DHRS13: variants seen among roughly 807,000 people sequenced by gnomAD.
The protein encoded by DHRS13 is dehydrogenase/reductase SDR family member 13.
A neutral mutation model predicts 17.9 loss-of-function variants in DHRS13; 22 were observed. The ratio of observed to expected loss-of-function variants is 1.23; its 90% CI spans 0.88 to 1.75. DHRS13 has a LOEUF of 1.75. DHRS13 is among the 40% of genes most tolerant of loss of function. DHRS13 has a pLI of 0.00. For missense variants in DHRS13, 483 were observed against 519.9 expected (o/e 0.93, Z 0.69); for synonymous variants, 206 against 220.4 (o/e 0.93, Z 0.58).
Position 28,901,277 on chromosome 17 carries a change from C to T in DHRS13, c.395G>A (p.Arg132His), listed in dbSNP as rs766827886. Residue 132 changes from arginine (R) to histidine (H), a missense_variant, in exon 4 of 5, where the codon CGT becomes CAT. Coordinates refer to ENST00000378895, the MANE Select transcript of DHRS13 (RefSeq NM_144683.4). This position sits in a 1 kb window ranked among gnomAD's most constrained non-coding sequence, Gnocchi z 4.3. Reference sequence around the variant, plus strand: ...CCGAAGCAGCAGGTTAAACGCCTCACGGGTCCGGCCACAGGAACTGATACC... The same window carrying T: ...CCGAAGCAGCAGGTTAAACGCCTCATGGGTCCGGCCACAGGAACTGATACC... Reference protein sequence around the residue: ...NAGISSCGRTREAFNLLLRVN... With the variant: ...NAGISSCGRTHEAFNLLLRVN... The T allele has an allele frequency of 2.2e-5, 35 of 1,610,280 alleles. No individual in the cohort carries two copies. In the South Asian group the frequency reaches 2.9e-4, roughly 13 times the overall value.
chr17:28,901,540 G>A lies in DHRS13; in HGVS notation c.323C>T (p.Ala108Val), dbSNP rs887940705. Residue 108 changes from alanine to valine, a missense_variant, in exon 3 of 5, where the codon GCC (alanine) becomes GTC (valine). Transcript: ENST00000378895. The surrounding 1 kb of genome is among the most constrained non-coding windows in gnomAD (Gnocchi z 4.3). ...SLASVRAFATAFLSSEPRLDI... is the reference protein window; with the variant it reads ...SLASVRAFATVFLSSEPRLDI... ...CAACCGTGGCTCAGAGCTCAGAAAG[G>A]CAGTGGCAAAGGCCCGCACCGAGGC... is the stretch of plus-strand genomic sequence containing the variant. The A allele has an allele frequency of 1.2e-6, 2 of 1,614,108 alleles. No homozygotes were observed. The highest frequency in any genetic ancestry group is 1.3e-5 in the African/African-American group (1 of 74,952).
At position 28,902,752 on chromosome 17, in the gene DHRS13, C is replaced by G. The variant is rs1012753271; in HGVS notation, c.128-51G>C. On this transcript the variant is annotated intron_variant, in intron 1 of 4. Coordinates refer to ENST00000378895, the MANE Select transcript of DHRS13 (RefSeq NM_144683.4). This position sits in a 1 kb window ranked among gnomAD's most constrained non-coding sequence, Gnocchi z 4.0. ...CTGAGCTGAGCCCGGCGGGCCGCTG[C>G]TACCGCCGGCCCGGCCTCCTCTCCG... 2.2e-6 allele frequency: 3 copies of G among 1,388,238 alleles called. No individual in the cohort carries two copies. Among genetic ancestry groups the G allele is most frequent in the Non-Finnish European group, 2.8e-6 (3 of 1,080,272 alleles). 86.0% of individuals were successfully genotyped at this position (1,388,238 alleles called of 1,614,324 possible). A position where few individuals can be genotyped will look rare whatever the true frequency, so the allele number is the denominator to read the frequency against.
chr17:28,901,550 A>G lies in DHRS13; in HGVS notation c.313T>C (p.Phe105Leu). 1 of 1,614,222 alleles carries G rather than the reference A, an allele frequency of 6.2e-7. No individual in the cohort carries two copies. Residue 105 changes from phenylalanine (F) to leucine (L), a missense_variant, in exon 3 of 5, where the codon TTT becomes CTT. Physicochemically the swap from Phe to Leu is conservative, Grantham distance 22 (BLOSUM62 0). Coordinates refer to ENST00000378895, the MANE Select transcript of DHRS13 (RefSeq NM_144683.4). The surrounding 1 kb of genome is among the most constrained non-coding windows in gnomAD (Gnocchi z 4.3). ...TCAGAGCTCAGAAAGGCAGTGGCAA[A>G]GGCCCGCACCGAGGCCAGACTGGCC... ...DLASLASVRA[F>L]ATAFLSSEPR...
chr17:28,899,135 C>T lies in DHRS13; in HGVS notation c.683-243G>A, dbSNP rs769735677. The T allele has an allele frequency of 6.3e-5, 27 of 431,382 alleles. No individual in the cohort carries two copies. Among genetic ancestry groups the T allele is most frequent in the Non-Finnish European group, 1.0e-4 (25 of 245,002 alleles). The allele number at this position is 431,382 out of a possible 1,614,324, so 26.7% of individuals were successfully genotyped here. A position where few individuals can be genotyped will look rare whatever the true frequency, so the allele number is the denominator to read the frequency against. On this transcript the variant is annotated intron_variant, in intron 4 of 4. Coordinates refer to ENST00000378895, the MANE Select transcript of DHRS13 (RefSeq NM_144683.4). This position sits in a 1 kb window ranked among gnomAD's most constrained non-coding sequence, Gnocchi z 4.7. ...ACCAGGATAGTATTTACCAGGCATT[C>T]GGGGCTTCTGCGAGGTGACTTCACT...
chr17:28,903,078 A>T lies in DHRS13; in HGVS notation c.-134T>A. The T allele has an allele frequency of 1.3e-6, 1 of 795,694 alleles. No homozygotes were observed. The highest frequency in any genetic ancestry group is 1.7e-6 in the Non-Finnish European group (1 of 600,384). The allele number at this position is 795,694 out of a possible 1,614,324, so 49.3% of individuals were successfully genotyped here. ...GCCTCCGAAGGCGGAGGCGGGCAGG[A>T]GGCTGGGCAGGGGCGTGTGCGCGTG... is the stretch of plus-strand genomic sequence containing the variant. On this transcript the variant is annotated 5_prime_UTR_variant, in exon 1 of 5. Transcript: ENST00000378895. This position sits in a 1 kb window ranked among gnomAD's most constrained non-coding sequence, Gnocchi z 4.8.
chr17:28,900,162 C>T (rs564710644), intron 4 of DHRS13, among the ~76,000 whole-genome samples: 5 of 152,220 alleles, frequency 3.3e-5, no homozygotes, highest in South Asian at 2.1e-4. Context: ...TTGCCCGCCT[C>T]GGCCTCCCAA....
chr17:28,897,951 C>A lies in DHRS13; in HGVS notation c.*490G>T, dbSNP rs962926599. 1.9e-5 allele frequency: 4 copies of A among 207,036 alleles called. No homozygotes were observed. The highest frequency in any genetic ancestry group is 3.8e-5 in the Non-Finnish European group (4 of 105,466). 12.8% of individuals were successfully genotyped at this position (207,036 alleles called of 1,614,324 possible). On this transcript the variant is annotated 3_prime_UTR_variant, in exon 5 of 5. Transcript: ENST00000378895. The surrounding 1 kb of genome is among the most constrained non-coding windows in gnomAD (Gnocchi z 4.4). ...CGGCAGTCGGCCCTGGCCTCAGACC[C>A]TTGGGTTCAGATCCCAGGCCCTCCT...
Position 28,902,568 on chromosome 17 carries a change from C to G in DHRS13, c.246+15G>C, listed in dbSNP as rs745886140. 10 of 1,476,816 alleles carry G rather than the reference C, an allele frequency of 6.8e-6. No homozygotes were observed. The South Asian group carries it at 1.0e-4, about 15-fold the overall frequency. 91.5% of individuals were successfully genotyped at this position (1,476,816 alleles called of 1,614,324 possible). A position where few individuals can be genotyped will look rare whatever the true frequency, so the allele number is the denominator to read the frequency against. On this transcript the variant is annotated intron_variant, in intron 2 of 4. Coordinates refer to ENST00000378895, the MANE Select transcript of DHRS13 (RefSeq NM_144683.4). The surrounding 1 kb of genome is among the most constrained non-coding windows in gnomAD (Gnocchi z 4.0). ...TTCTCGGCTCACCGTCCCACGCGCC[C>G]CCGCTGCCTCTCACCTGGCGGAGGT... is the stretch of plus-strand genomic sequence containing the variant.
intron 4 of DHRS13, 69 bp from the exon 5 acceptor site, chr17:28,898,961 G>T (rs908205243): frequency 1.7e-5 from 25 of 1,444,982 alleles, no homozygotes; most frequent in Non-Finnish European, 2.2e-5. Flanking sequence ...ACAGCTACTC[G>T]GGAGGCGGAG....
rs779497199 is a variant in DHRS13 at position 28,902,909 on chromosome 17, C to A, written c.36G>T (p.Leu12=). 6.4e-7 allele frequency: 1 copy of A among 1,552,570 alleles called. No homozygotes were observed. The highest frequency in any genetic ancestry group is 1.7e-4 in the Middle Eastern group (1 of 5,898). ...TGTAGTAGACAAGCACGTAAGCGCC[C>A]AGCAGCAACCCCGCGCCCAGCAGCA... ...EALLLGAGLL[L]GAYVLVYYNL... Residue 12 remains leucine (L), a synonymous_variant, in exon 1 of 5, where the codon CTG becomes CTT. Transcript: ENST00000378895. This position sits in a 1 kb window ranked among gnomAD's most constrained non-coding sequence, Gnocchi z 4.0.
chr17:28,901,212 GCAGCAGATGTGT>G lies in DHRS13; in HGVS notation c.448_459del (p.Thr150_Leu153del), dbSNP rs1380079762. 1 of 1,614,224 alleles carries G rather than the reference GCAGCAGATGTGT, an allele frequency of 6.2e-7. No homozygotes were observed. The highest frequency in any genetic ancestry group is 1.7e-5 in the Admixed American group (1 of 60,018). On this transcript the variant is annotated inframe_deletion, in exon 4 of 5. Transcript: ENST00000378895. The surrounding 1 kb of genome is among the most constrained non-coding windows in gnomAD (Gnocchi z 4.3). ...GGGGCACATGCCTTCAGGCAAGGCA[GCAGCAGATGTGT>G]CAGCAGAAAGGGACCGATATGGTTC...
At position 28,901,127 on chromosome 17, in the gene DHRS13, C is replaced by A; in HGVS notation, c.545G>T (p.Arg182Leu). Reference protein sequence around the residue: ...AHCRGRLDFKRLDRPVVGWRQ... With the variant: ...AHCRGRLDFKLLDRPVVGWRQ... ...CCAGCCCACCACTGGGCGGTCCAGG[C>A]GTTTGAAGTCAAGACGTCCCCGACA... Residue 182 changes from arginine (R) to leucine (L), a missense_variant, in exon 4 of 5, where the codon CGC becomes CTC. Arg to Leu is a moderately radical substitution (Grantham distance 102, BLOSUM62 -2). Transcript: ENST00000378895. This position sits in a 1 kb window ranked among gnomAD's most constrained non-coding sequence, Gnocchi z 4.3. 1.2e-6 allele frequency: 2 copies of A among 1,614,190 alleles called. No individual in the cohort carries two copies. The highest frequency in any genetic ancestry group is 1.1e-5 in the South Asian group (1 of 91,090).
At position 28,898,626 on chromosome 17, in the gene DHRS13, C is replaced by A. The variant is rs1296574007; in HGVS notation, c.949G>T (p.Glu317Ter). Residue 317 changes from glutamate (E) to a stop codon, truncating the protein, a stop_gained, in exon 5 of 5, where the codon GAG (glutamate) becomes TAG (stop). Transcript: ENST00000378895. LOFTEE classifies it low-confidence loss of function (END_TRUNC). ...GGGTCTTCATCGGGTTCAGCATCCTCCCCAGGCCCAAGCCCTGCCAGCCTC... is the reference window on the plus strand; with the variant it reads ...GGGTCTTCATCGGGTTCAGCATCCTACCCAGGCCCAAGCCCTGCCAGCCTC... ...SKRLAGLGPG[E>*]DAEPDEDPQS... The A allele has an allele frequency of 6.2e-7, 1 of 1,613,756 alleles. No homozygotes were observed. The highest frequency in any genetic ancestry group is 8.5e-7 in the Non-Finnish European group (1 of 1,179,880).
chr17:28,898,451 T>A lies in DHRS13; in HGVS notation c.1124A>T (p.Gln375Leu). The change falls in exon 5 of 5, where the codon CAG becomes CTG. Residue 375 changes from glutamine to leucine, a missense_variant. Coordinates refer to ENST00000378895, the MANE Select transcript of DHRS13 (RefSeq NM_144683.4). Reference protein sequence around the residue: ...RIQAKVEPEIQLS With the variant: ...RIQAKVEPEILLS Reference sequence around the variant, plus strand: ...ATCCTGGCCTGAGGGTTAGGAGAGCTGGATCTCAGGCTCAACTTTAGCCTG... The same window carrying A: ...ATCCTGGCCTGAGGGTTAGGAGAGCAGGATCTCAGGCTCAACTTTAGCCTG... 6.4e-7 allele frequency: 1 copy of A among 1,556,370 alleles called. No homozygotes were observed. The highest frequency in any genetic ancestry group is 8.7e-7 in the Non-Finnish European group (1 of 1,149,478).
chr17:28,901,399 G>T lies in DHRS13; in HGVS notation c.370+94C>A, dbSNP rs542375453. On this transcript the variant is annotated intron_variant, in intron 3 of 4. Coordinates refer to ENST00000378895, the MANE Select transcript of DHRS13 (RefSeq NM_144683.4). The surrounding 1 kb of genome is among the most constrained non-coding windows in gnomAD (Gnocchi z 4.3). Reference sequence around the variant, plus strand: ...TGGGAGAAGGGGGCATCCTTCCCATGTGTCCACTGGCCCCAGCAGGGCCCC... The same window carrying T: ...TGGGAGAAGGGGGCATCCTTCCCATTTGTCCACTGGCCCCAGCAGGGCCCC... The T allele has an allele frequency of 7.5e-6, 12 of 1,596,962 alleles. No individual in the cohort carries two copies. The East Asian group carries it at 1.3e-4, about 18-fold the overall frequency.
Position 28,902,646 on chromosome 17 carries a change from C to A in DHRS13, c.183G>T (p.Ala61=). 1 of 1,441,418 alleles carries A rather than the reference C, an allele frequency of 6.9e-7. No individual in the cohort carries two copies. 89.3% of individuals were successfully genotyped at this position (1,441,418 alleles called of 1,614,324 possible). A position where few individuals can be genotyped will look rare whatever the true frequency, so the allele number is the denominator to read the frequency against. ...MTALELARRG[A]RVVLACRSQE... The stretch of plus-strand genomic sequence containing the variant: ...GGCTGCGGCAGGCCAGCACCACGCG[C>A]GCTCCCCGGCGCGCCAGCTCCAGCG... The change falls in exon 2 of 5, where the codon GCG becomes GCT. Residue 61 remains alanine, a synonymous_variant. Transcript: ENST00000378895. This position sits in a 1 kb window ranked among gnomAD's most constrained non-coding sequence, Gnocchi z 4.0.
At position 28,902,808 on chromosome 17, in the gene DHRS13, C is replaced by G; in HGVS notation, c.127+10G>C. The G allele has an allele frequency of 1.3e-6, 2 of 1,528,868 alleles. No homozygotes were observed. The highest frequency in any genetic ancestry group is 1.7e-6 in the Non-Finnish European group (2 of 1,147,092). 94.7% of individuals were successfully genotyped at this position (1,528,868 alleles called of 1,614,324 possible). On this transcript the variant is annotated intron_variant, in intron 1 of 4. Coordinates refer to ENST00000378895, the MANE Select transcript of DHRS13 (RefSeq NM_144683.4). This position sits in a 1 kb window ranked among gnomAD's most constrained non-coding sequence, Gnocchi z 4.0. ...CCCGCCAGCTCGCACTCACCCGCCT[C>G]CGCACTCACCCGTGACCACGGCCGT... is the stretch of plus-strand genomic sequence containing the variant.
Position 28,901,511 on chromosome 17 carries a change from T to C in DHRS13, c.352A>G (p.Ile118Val). ...AFLSSEPRLD[I>V]LIHNAGISSC... The stretch of plus-strand genomic sequence containing the variant: ...CCCTCACCGGCATTGTGGATGAGGA[T>C]GTCCAACCGTGGCTCAGAGCTCAGA... The change falls in exon 3 of 5, where the codon ATC becomes GTC. Residue 118 changes from isoleucine to valine, a missense_variant. Coordinates refer to ENST00000378895, the MANE Select transcript of DHRS13 (RefSeq NM_144683.4). This position sits in a 1 kb window ranked among gnomAD's most constrained non-coding sequence, Gnocchi z 4.3. 1 of 1,614,080 alleles carries C rather than the reference T, an allele frequency of 6.2e-7. No individual in the cohort carries two copies. Among genetic ancestry groups the C allele is most frequent in the South Asian group, 1.1e-5 (1 of 91,078 alleles).
chr17:28,901,119 G>A lies in DHRS13; in HGVS notation c.553C>T (p.Arg185Cys), dbSNP rs542512486. 13 of 1,614,176 alleles carry A rather than the reference G, an allele frequency of 8.1e-6. No homozygotes were observed. Among genetic ancestry groups the A allele is most frequent in the South Asian group, 3.3e-5 (3 of 91,088 alleles). ...TCCTGCCGCCAGCCCACCACTGGGCGGTCCAGGCGTTTGAAGTCAAGACGT... is the reference window on the plus strand; with the variant it reads ...TCCTGCCGCCAGCCCACCACTGGGCAGTCCAGGCGTTTGAAGTCAAGACGT... The part of the protein sequence containing the change: ...RGRLDFKRLD[R>C]PVVGWRQELR... Residue 185 changes from arginine (R) to cysteine (C), a missense_variant, in exon 4 of 5, where the codon CGC becomes TGC. Transcript: ENST00000378895. The surrounding 1 kb of genome is among the most constrained non-coding windows in gnomAD (Gnocchi z 4.3).
Sources: gnomAD v4.1 joint callset for allele counts (sites outside exome capture counted in the v4.1 genomes callset) on GRCh38, gnomAD v4.1.1 for gene constraint, Gnocchi (gnomAD v3.1) non-coding constraint, MANE v1.5 for transcripts, NCBI Gene and HGNC (gene_info 2026-07-23, HGNC 2026-07-21) for gene names.